The following OTUD7A variants were observed in gnomAD, a reference collection of about 807,000 sequenced individuals.
OTUD7A encodes OTU deubiquitinase 7A.
In OTUD7A, 12 loss-of-function variants were observed where a neutral mutation model predicts 65.7. That is an observed-to-expected ratio of 0.18 (90% CI 0.12 to 0.30). OTUD7A has a LOEUF of 0.30. Among genes scored for constraint, OTUD7A ranks in the 10% least tolerant of loss-of-function variants. The probability of loss-of-function intolerance (pLI) is 1.00; values close to 1 mark genes in which losing one functional copy is unlikely to be tolerated. For synonymous variants in OTUD7A, 641 were observed against 586.3 expected, an observed-to-expected ratio of 1.09 and a Z score of -1.35; for missense variants, 1,148 against 1,304.8, an observed-to-expected ratio of 0.88 and a Z score of 1.85.
intron 1 of OTUD7A, among the ~76,000 whole-genome samples, chr15:31,697,442 G>A (rs1215996644): frequency 1.4e-5 from 2 of 139,484 alleles, no homozygotes; most frequent in Non-Finnish European, 3.1e-5. Flanking sequence ...TATCCCATTC[G>A]GGTTGTGACC....
chr15:31,478,413 T>C lies in OTUD7A; in HGVS notation c.*4881A>G, dbSNP rs2041058324. 6.6e-6 allele frequency: 1 copy of C among 152,234 alleles called. No homozygotes were observed. Among genetic ancestry groups the C allele is most frequent in the African/African-American group, 2.4e-5 (1 of 41,466 alleles). 9.4% of individuals were successfully genotyped at this position (152,234 alleles called of 1,614,324 possible). A position where few individuals can be genotyped will look rare whatever the true frequency, so the allele number is the denominator to read the frequency against. Reference sequence around the variant, plus strand: ...AAGATGCAAGCAATGTGCATCATTCTGTATGTACATAATTAGGATTAGTGA... The same window carrying C: ...AAGATGCAAGCAATGTGCATCATTCCGTATGTACATAATTAGGATTAGTGA... On this transcript the variant is annotated 3_prime_UTR_variant, in exon 13 of 13. Coordinates refer to ENST00000307050, the MANE Select transcript of OTUD7A (RefSeq NM_001382637.1).
Position 31,483,661 on chromosome 15 carries a change from G to A in OTUD7A, c.2435C>T (p.Ser812Leu), listed in dbSNP as rs1325194931. Residue 812 changes from serine (S) to leucine (L), a missense_variant, in exon 13 of 13, where the codon TCG (serine) becomes TTG (leucine). By Grantham distance (145) the Ser-to-Leu change is moderately radical (BLOSUM62 -2). This residue lies in a region of OTUD7A where 842 missense variants were observed against 769.5 expected (regional missense o/e 1.09). Coordinates refer to ENST00000307050, the MANE Select transcript of OTUD7A (RefSeq NM_001382637.1). ...GCGCGCCGGGCTGTAGCTCTGCGAC[G>A]ACAGCGAGCGGTTCTGCTGCGGGTA... ...ATYPQQNRSL[S>L]SQSYSPARAA... The A allele has an allele frequency of 2.6e-6, 3 of 1,168,420 alleles. No individual in the cohort carries two copies. Among genetic ancestry groups the A allele is most frequent in the Non-Finnish European group, 3.2e-6 (3 of 949,426 alleles). The allele number at this position is 1,168,420 out of a possible 1,614,324, so 72.4% of individuals were successfully genotyped here. A position where few individuals can be genotyped will look rare whatever the true frequency, so the allele number is the denominator to read the frequency against.
intron 3 of OTUD7A, among the ~76,000 whole-genome samples, chr15:31,633,633 G>A (rs1891246314): frequency 6.6e-6 from 1 of 152,132 alleles, no homozygotes; most frequent in African/African-American, 2.4e-5. Context: ...CCACCCTGCA[G>A]ACCCTCACAC....
intron 1 of OTUD7A, among the ~76,000 whole-genome samples, chr15:31,740,466 G>A (rs1894311897): frequency 6.6e-6 from 1 of 152,134 alleles, no homozygotes; most frequent in African/African-American, 2.4e-5. Flanking sequence ...AAGGAGAGAA[G>A]CAAGGAGGAG....
chr15:31,757,408 T>G (rs1894846084), intron 1 of OTUD7A, among the ~76,000 whole-genome samples: 1 of 151,518 alleles, frequency 6.6e-6, no homozygotes, highest in Admixed American at 6.6e-5. Context: ...GAGAAAGGAC[T>G]TGCTAGAGGT....
At chr15:31,684,557 C>A (rs1186509156) in intron 1 of OTUD7A, among the ~76,000 whole-genome samples, 1 of 151,004 alleles carries the variant, frequency 6.6e-6, no homozygotes, top group Admixed American at 6.6e-5. Context: ...AATGAGGAAG[C>A]ATTCTCTTCC....
chr15:31,501,256 C>A (rs1245607891), intron 10 of OTUD7A, among the ~76,000 whole-genome samples: 1 of 152,204 alleles, frequency 6.6e-6, no homozygotes, highest in Non-Finnish European at 1.5e-5. Context: ...AGTGCAAAAA[C>A]GGCCACAGAT....
chr15:31,505,206 T>C (rs958868109), intron 8 of OTUD7A, among the ~76,000 whole-genome samples: 1 of 152,232 alleles, frequency 6.6e-6, no homozygotes, highest in Admixed American at 6.5e-5. Flanking sequence ...TTTGTTTTGA[T>C]TGGTTAGTAA....
At chr15:31,512,281 C>G (rs924854588) in intron 8 of OTUD7A, among the ~76,000 whole-genome samples, 5 of 151,764 alleles carry the variant, frequency 3.3e-5, no homozygotes, top group African/African-American at 1.2e-4. Context: ...GGGTTTTGAG[C>G]TCTTATCCTT....
At chr15:31,696,098 G>A (rs1893075515) in intron 1 of OTUD7A, among the ~76,000 whole-genome samples, 1 of 151,908 alleles carries the variant, frequency 6.6e-6, no homozygotes, top group African/African-American at 2.4e-5. Context: ...GGGGGTTGGG[G>A]AAGGATTTGG....
intron 10 of OTUD7A, among the ~76,000 whole-genome samples, chr15:31,493,268 C>A (rs540742710): frequency 7.2e-5 from 11 of 152,152 alleles, no homozygotes; most frequent in Middle Eastern, 3.4e-3. Context: ...GGCTCCACAA[C>A]ATGGACTGTT....
chr15:31,734,661 T>C (rs1392481973), intron 1 of OTUD7A, among the ~76,000 whole-genome samples: 1 of 151,864 alleles, frequency 6.6e-6, no homozygotes, highest in African/African-American at 2.4e-5. Context: ...TGTAAAAGAC[T>C]CTCTATTTAA....
In OTUD7A at chr15:31,681,995, C is replaced by A. The variant is rs373392358; in HGVS notation, c.-99-24918G>T. Among the ~76,000 whole-genome samples, 65 of 152,192 alleles carry A rather than the reference C, an allele frequency of 4.3e-4. No individual in the cohort carries two copies. The South Asian group carries it at 0.013, about 31-fold the overall frequency. On this transcript the variant is annotated intron_variant, in intron 1 of 12. Coordinates refer to ENST00000307050, the MANE Select transcript of OTUD7A (RefSeq NM_001382637.1). ...CAGGCACAAGGGAAGGGCACCCATG[C>A]TAGACTGGAGTGGAGGAGAGAGTGA...
chr15:31,854,977 G>A (rs1393868982), intron 1 of OTUD7A, among the ~76,000 whole-genome samples: 1 of 152,072 alleles, frequency 6.6e-6, no homozygotes, highest in Non-Finnish European at 1.5e-5. Flanking sequence ...CAACCCCAGA[G>A]ATAAGCAAAT....
At chr15:31,616,903 A>C (rs1890605266) in intron 3 of OTUD7A, among the ~76,000 whole-genome samples, 1 of 152,172 alleles carries the variant, frequency 6.6e-6, no homozygotes, top group African/African-American at 2.4e-5. Context: ...TGTAGCTTGC[A>C]AAGCCCAAAG....
At chr15:31,794,744 C>T (rs890272569) in intron 1 of OTUD7A, among the ~76,000 whole-genome samples, 3 of 152,198 alleles carry the variant, frequency 2.0e-5, no homozygotes, top group African/African-American at 7.2e-5. Flanking sequence ...TGCTCCTTCC[C>T]TACTGGGCCC....
At chr15:31,864,210 C>T (rs943883063) in intron 1 of OTUD7A, among the ~76,000 whole-genome samples, 3 of 152,192 alleles carry the variant, frequency 2.0e-5, no homozygotes, top group Non-Finnish European at 4.4e-5. Flanking sequence ...CCACATTTTC[C>T]TGTCTTATTC....
intron 3 of OTUD7A, among the ~76,000 whole-genome samples, chr15:31,573,895 C>T (rs1286441299): frequency 5.3e-5 from 8 of 151,986 alleles, no homozygotes; most frequent in African/African-American, 9.7e-5. Context: ...AGCAAGACTC[C>T]GTCTCAAACA....
intron 8 of OTUD7A, among the ~76,000 whole-genome samples, chr15:31,518,877 C>T (rs567831336): frequency 5.9e-5 from 9 of 152,238 alleles, no homozygotes; most frequent in Non-Finnish European, 1.2e-4. Context: ...ACAAAAGACT[C>T]TCCAAAGGCA....
Sources: gnomAD v4.1 joint callset for allele counts (sites outside exome capture counted in the v4.1 genomes callset) on GRCh38, gnomAD v4.1.1 for gene constraint, gnomAD v4.1.1 regional missense constraint, MANE v1.5 for transcripts, NCBI Gene and HGNC (gene_info 2026-07-23, HGNC 2026-07-21) for gene names.